The following MAGI2 variants were observed in gnomAD, a reference collection of about 807,000 sequenced individuals.
MAGI2 encodes the protein membrane-associated guanylate kinase, WW and PDZ domain-containing protein 2.
Under a neutral mutation model 133.3 loss-of-function variants are expected in MAGI2, and 35 were observed. That is an observed-to-expected ratio of 0.26 (90% CI 0.20 to 0.35). The LOEUF is 0.35. Ranked by LOEUF, MAGI2 falls within the 10% of genes least tolerant of loss-of-function variation. The pLI is 1.00. For synonymous variants in MAGI2, 729 were observed against 710.6 expected, an observed-to-expected ratio of 1.03 and a Z score of -0.41; for missense variants, 1,636 against 1,863.4, an observed-to-expected ratio of 0.88 and a Z score of 2.25.
chr7:79,423,755 T>C (rs1847141395), intron 1 of MAGI2, among the ~76,000 whole-genome samples: 3 of 152,092 alleles, frequency 2.0e-5, no homozygotes, highest in Admixed American at 6.6e-5. Context: ...TTGGAGTCTG[T>C]CCTATCTTTA....
intron 1 of MAGI2, among the ~76,000 whole-genome samples, chr7:79,422,180 C>A (rs552197883): frequency 3.3e-5 from 5 of 152,106 alleles, no homozygotes; most frequent in Middle Eastern, 3.4e-3. Context: ...TTCTACATGA[C>A]CTTTTAGGAA....
intron 1 of MAGI2, among the ~76,000 whole-genome samples, chr7:79,449,582 A>G (rs1849095201): frequency 6.6e-6 from 1 of 151,966 alleles, no homozygotes; most frequent in Admixed American, 6.6e-5. Context: ...AGATCTCAAC[A>G]TCACTCAAAA....
At chr7:78,265,092 T>A (rs201713637) in intron 9 of MAGI2, among the ~76,000 whole-genome samples, 20 of 151,176 alleles carry the variant, frequency 1.3e-4, no homozygotes, top group East Asian at 9.6e-4. Context: ...TTTTTTTTTT[T>A]AAATTATGAT....
At chr7:79,079,559 T>A (rs140490279) in intron 1 of MAGI2, among the ~76,000 whole-genome samples, 12 of 152,260 alleles carry the variant, frequency 7.9e-5, no homozygotes, top group African/African-American at 2.9e-4. Context: ...ATAGATTTAT[T>A]AGTTAGTGCC....
intron 9 of MAGI2, among the ~76,000 whole-genome samples, chr7:78,304,796 G>C (rs1212594085): frequency 6.6e-6 from 1 of 152,174 alleles, no homozygotes; most frequent in Non-Finnish European, 1.5e-5. Flanking sequence ...CTGATAGGAG[G>C]CTATTTGAAC....
At chr7:78,669,949 A>G (rs1585035313) in intron 2 of MAGI2, among the ~76,000 whole-genome samples, 1 of 151,630 alleles carries the variant, frequency 6.6e-6, no homozygotes, top group Non-Finnish European at 1.5e-5. Context: ...TCTATGACAA[A>G]CCCACAGCCA....
intron 1 of MAGI2, among the ~76,000 whole-genome samples, chr7:79,309,612 A>G (rs1356895649): frequency 6.6e-6 from 1 of 152,054 alleles, no homozygotes; most frequent in Non-Finnish European, 1.5e-5. Context: ...AATTAGTTTC[A>G]CTAGACACGG....
intron 1 of MAGI2, among the ~76,000 whole-genome samples, chr7:79,175,825 C>A (rs75403354): frequency 0.048 from 7,366 of 152,024 alleles, 328 homozygotes; most frequent in African/African-American, 0.11. Flanking sequence ...AGACCACTGT[C>A]CTACATGTGG....
chr7:78,909,204 T>A (rs140072953), intron 2 of MAGI2, among the ~76,000 whole-genome samples: 1,820 of 148,470 alleles, frequency 0.012, 23 homozygotes, highest in Middle Eastern at 0.018. Flanking sequence ...CCAACAAACA[T>A]ATAAAAAGAA....
At chr7:78,876,342 A>G (rs1795421622) in intron 2 of MAGI2, among the ~76,000 whole-genome samples, 2 of 148,492 alleles carry the variant, frequency 1.3e-5, no homozygotes, top group South Asian at 4.3e-4. Context: ...AAAAAAAAAA[A>G]TTGGAACAAC....
intron 1 of MAGI2, among the ~76,000 whole-genome samples, chr7:79,159,490 C>A (rs1317603312): frequency 1.4e-5 from 2 of 143,264 alleles, no homozygotes; most frequent in Non-Finnish European, 3.0e-5. Context: ...TGTGCTTCAA[C>A]CTGCATGACA....
chr7:79,127,105 C>T (rs1178853012), intron 1 of MAGI2, among the ~76,000 whole-genome samples: 7 of 152,082 alleles, frequency 4.6e-5, no homozygotes, highest in Non-Finnish European at 1.0e-4. Context: ...CCAGCTTCAT[C>T]CATGTCCCTA....
intron 2 of MAGI2, among the ~76,000 whole-genome samples, chr7:78,905,739 G>A (rs1403358959): frequency 6.6e-6 from 1 of 152,062 alleles, no homozygotes; most frequent in Non-Finnish European, 1.5e-5. Context: ...TTAATTTAAG[G>A]TACAGGTGAT....
At chr7:79,187,929 A>T (rs1409232444) in intron 1 of MAGI2, among the ~76,000 whole-genome samples, 1 of 151,880 alleles carries the variant, frequency 6.6e-6, no homozygotes, top group Non-Finnish European at 1.5e-5. Context: ...TTTATGTCTC[A>T]TGAATATACA....
chr7:79,445,174 T>A (rs898175181), intron 1 of MAGI2, among the ~76,000 whole-genome samples: 1 of 152,140 alleles, frequency 6.6e-6, no homozygotes, highest in African/African-American at 2.4e-5. Context: ...TCAAGATGGA[T>A]TAAAGACTTA....
intron 2 of MAGI2, among the ~76,000 whole-genome samples, chr7:78,706,670 C>T (rs556707926): frequency 2.0e-5 from 3 of 152,154 alleles, no homozygotes; most frequent in Non-Finnish European, 4.4e-5. Flanking sequence ...AATCCAATCA[C>T]ATTTAAATTA....
At chr7:78,207,788 C>T (rs184932050) in intron 10 of MAGI2, among the ~76,000 whole-genome samples, 1 of 152,298 alleles carries the variant, frequency 6.6e-6, no homozygotes, top group Admixed American at 6.5e-5. Flanking sequence ...ATCACATCAC[C>T]ATGTGTTAGC....
At chr7:78,218,437 A>G (rs1788476278) in intron 10 of MAGI2, among the ~76,000 whole-genome samples, 1 of 152,268 alleles carries the variant, frequency 6.6e-6, no homozygotes, top group South Asian at 2.1e-4. Context: ...TTTTAATCTT[A>G]GAAAAACAGT....
intron 2 of MAGI2, among the ~76,000 whole-genome samples, chr7:78,780,812 T>C (rs766966986): frequency 3.9e-5 from 6 of 152,212 alleles, no homozygotes; most frequent in Non-Finnish European, 8.8e-5. Flanking sequence ...TAAACTTTCC[T>C]ATGGCCCGGC....
Sources: allele counts gnomAD v4.1 joint callset (sites outside exome capture counted in the v4.1 genomes callset), GRCh38; gene constraint gnomAD v4.1.1; transcripts MANE v1.5; gene names NCBI Gene and HGNC (gene_info 2026-07-23, HGNC 2026-07-21).